The following DHRSX variants were observed in gnomAD, a reference collection of about 807,000 sequenced individuals.
DHRSX encodes the protein polyprenol dehydrogenase.
A neutral mutation model predicts 34.0 loss-of-function variants in DHRSX; 31 were observed. That is an observed-to-expected ratio of 0.91 (90% CI 0.69 to 1.23). The LOEUF (loss-of-function observed/expected upper bound fraction) is 1.23, where lower values mean the gene tolerates loss of function less well. DHRSX is among the 50% of genes most tolerant of loss of function. The probability of loss-of-function intolerance (pLI) is 0.00; values close to 1 mark genes in which losing one functional copy is unlikely to be tolerated. For missense variants in DHRSX, 414 were observed against 428.1 expected, an observed-to-expected ratio of 0.97 and a Z score of 0.29; for synonymous variants, 201 against 183.8, an observed-to-expected ratio of 1.09 and a Z score of -0.76.
chrX:2,266,219 C>G (rs186149270), intron 5 of DHRSX, among the ~76,000 whole-genome samples: 10 of 141,792 alleles, frequency 7.1e-5, no homozygotes, highest in African/African-American at 2.8e-4. Flanking sequence ...GCAGGGAGCA[C>G]TGTCCCCAGA....
At chrX:2,317,109 C>T (rs2042249572) in intron 3 of DHRSX, among the ~76,000 whole-genome samples, 1 of 152,076 alleles carries the variant, frequency 6.6e-6, no homozygotes, top group African/African-American at 2.4e-5. Context: ...AAGTGCACGT[C>T]ACCACGCCCG....
At chrX:2,500,175 A>G (rs1330576901) in intron 1 of DHRSX, 1 of 152,382 alleles carries the variant, frequency 6.6e-6, no homozygotes, top group Non-Finnish European at 1.5e-5. Context: ...AGATGTTTAC[A>G]AAGGCCAAGG....
At chrX:2,493,076 G>A (rs1454877285) in intron 1 of DHRSX, among the ~76,000 whole-genome samples, 1 of 152,226 alleles carries the variant, frequency 6.6e-6, no homozygotes, top group African/African-American at 2.4e-5. Flanking sequence ...CACTTCCCAA[G>A]ACTGGGGTGC....
In DHRSX at chrX:2,467,354, G is replaced by A. The variant is rs781153552; in HGVS notation, c.109+33463C>T. Among the ~76,000 whole-genome samples, 14 of 152,150 alleles carry A rather than the reference G, an allele frequency of 9.2e-5. No individual in the cohort carries two copies. The South Asian group carries it at 2.7e-3, about 29-fold the overall frequency. ...TTAGCGTCCACTGCAAAGCTCCGTG[G>A]CAGTTAGCTCTAGTCAGTTTGTTCA... is the stretch of plus-strand genomic sequence containing the variant. On this transcript the variant is annotated intron_variant, in intron 1 of 6. Coordinates refer to ENST00000334651, the MANE Select transcript of DHRSX (RefSeq NM_145177.3).
chrX:2,304,155 GGATGGATGGATGAACT>G (rs2042064452), intron 3 of DHRSX, among the ~76,000 whole-genome samples: 2 of 146,982 alleles, frequency 1.4e-5, no homozygotes, highest in Admixed American at 6.8e-5. Flanking sequence ...ATGGATGGAT[GGATGGATGGATGAACT>G]GATGGATGGA....
chrX:2,243,298 G>C (rs1250386109), intron 5 of DHRSX, 68 bp from the exon 6 acceptor site: 28 of 1,438,078 alleles, frequency 1.9e-5, no homozygotes, highest in Non-Finnish European at 2.2e-5. Context: ...CATCCCAGCA[G>C]CATCTGTACC....
chrX:2,265,385 C>T (rs1422584984), intron 5 of DHRSX, among the ~76,000 whole-genome samples: 1 of 123,768 alleles, frequency 8.1e-6, no homozygotes, highest in Admixed American at 7.9e-5. Flanking sequence ...AGCACTGTCC[C>T]CAGAGCACCA....
intron 2 of DHRSX, among the ~76,000 whole-genome samples, chrX:2,421,272 T>C (rs762981934): frequency 6.6e-6 from 1 of 152,020 alleles, no homozygotes; most frequent in Admixed American, 6.6e-5. Flanking sequence ...CCCAGCTACT[T>C]GGGAGGCTGA....
At chrX:2,331,981 C>T (rs929407360) in intron 3 of DHRSX, among the ~76,000 whole-genome samples, 20 of 152,192 alleles carry the variant, frequency 1.3e-4, no homozygotes, top group African/African-American at 4.6e-4. Flanking sequence ...GGTTTTGACT[C>T]GCGAAATGTT....
intron 6 of DHRSX, 94 bp from the exon 7 acceptor site, chrX:2,221,323 G>T: frequency 7.9e-6 from 10 of 1,270,798 alleles, no homozygotes; most frequent in Non-Finnish European, 9.9e-6. Flanking sequence ...GGGACAGGTG[G>T]AATATACTCA....
intron 1 of DHRSX, among the ~76,000 whole-genome samples, chrX:2,451,004 C>T (rs1419735721): frequency 1.3e-5 from 2 of 151,994 alleles, no homozygotes; most frequent in Non-Finnish European, 2.9e-5. Flanking sequence ...GGAAGTGGGT[C>T]CCCACCAGAC....
intron 1 of DHRSX, among the ~76,000 whole-genome samples, chrX:2,473,416 G>A (rs1468500322): frequency 6.6e-6 from 1 of 152,100 alleles, no homozygotes; most frequent in Non-Finnish European, 1.5e-5. Flanking sequence ...CTGAAGTCAG[G>A]AGTTCGAGAC....
At chrX:2,231,833 C>T (rs2015893814) in intron 6 of DHRSX, among the ~76,000 whole-genome samples, 1 of 147,512 alleles carries the variant, frequency 6.8e-6, no homozygotes, top group Non-Finnish European at 1.5e-5. Flanking sequence ...CTTTCTTTCT[C>T]CTCTTTCTCA....
intron 3 of DHRSX, among the ~76,000 whole-genome samples, chrX:2,310,647 AAG>A (rs1479339380): frequency 1.3e-5 from 2 of 151,630 alleles, no homozygotes; most frequent in South Asian, 2.1e-4. Flanking sequence ...GTTATGGAGA[AAG>A]AGAGGGTGAG....
At chrX:2,232,996 G>GT (rs1363846052) in intron 6 of DHRSX, among the ~76,000 whole-genome samples, 22 of 152,100 alleles carry the variant, frequency 1.4e-4, no homozygotes, top group African/African-American at 5.3e-4. Flanking sequence ...AATTCAGCCT[G>GT]TACCTGTTTC....
chrX:2,483,940 TTTC>T (rs1341259530), intron 1 of DHRSX, among the ~76,000 whole-genome samples: 3 of 152,036 alleles, frequency 2.0e-5, no homozygotes, highest in Non-Finnish European at 4.4e-5. Flanking sequence ...AGCAATAATA[TTTC>T]TTGACACAAC....
rs2016004626 is a variant in DHRSX, at chrX:2,235,938, C to T, written c.804+7085G>A. On this transcript the variant is annotated intron_variant, in intron 6 of 6. Transcript: ENST00000334651. ...ACCATCCCGGCCAACATGGTGAAACCCCATCTCTATTAAAAATATAAAAAT... is the reference window on the plus strand; with the variant it reads ...ACCATCCCGGCCAACATGGTGAAACTCCATCTCTATTAAAAATATAAAAAT... 2.7e-5 allele frequency among the ~76,000 whole-genome samples: 4 copies of T among 149,646 alleles called. No homozygotes were observed. The South Asian group carries it at 8.4e-4, about 32-fold the overall frequency.
At chrX:2,451,024 G>T (rs191147912) in intron 1 of DHRSX, among the ~76,000 whole-genome samples, 1 of 151,960 alleles carries the variant, frequency 6.6e-6, no homozygotes, top group African/African-American at 2.4e-5. Flanking sequence ...CACTGAATCC[G>T]CCACGATCTT....
chrX:2,258,836 C>G (rs181547532), intron 5 of DHRSX, among the ~76,000 whole-genome samples: 1 of 152,298 alleles, frequency 6.6e-6, no homozygotes, highest in African/African-American at 2.4e-5. Context: ...TCTCATTATC[C>G]CCTGCAGAGG....
Sources: allele counts gnomAD v4.1 joint callset (sites outside exome capture counted in the v4.1 genomes callset), GRCh38; gene constraint gnomAD v4.1.1; transcripts MANE v1.5; gene names NCBI Gene and HGNC (gene_info 2026-07-23, HGNC 2026-07-21).